WNT9B: variants seen among roughly 807,000 people sequenced by gnomAD.
WNT9B encodes Wnt family member 9B, also known as protein Wnt-9b.
A neutral mutation model predicts 30.2 loss-of-function variants in WNT9B; 12 were observed. The ratio of observed to expected loss-of-function variants is 0.40; its 90% CI spans 0.26 to 0.64. The LOEUF is 0.64. Ranked by LOEUF, WNT9B falls within the 30% of genes least tolerant of loss-of-function variation. WNT9B has a pLI of 0.42. For synonymous variants in WNT9B, 218 were observed against 216.9 expected (o/e 1.01, Z -0.05); for missense variants, 442 against 485.2 (o/e 0.91, Z 0.84).
chr17:46,885,798 G>A (rs2085482038), exon 5 of WNT9B: 1 of 152,216 alleles, frequency 6.6e-6, no homozygotes, highest in Non-Finnish European at 1.5e-5. Flanking sequence ...ATCCCTCCCT[G>A]ACACACGGCC....
intron 1 of WNT9B, among the ~76,000 whole-genome samples, chr17:46,845,785 C>CTTTTTTTTT (rs34253824): frequency 2.3e-5 from 2 of 86,782 alleles, no homozygotes; most frequent in Non-Finnish European, 4.1e-5. Flanking sequence ...ACTGTGCTGG[C>CTTTTTTTTT]TTTTTTTTTT....
In WNT9B at chr17:46,875,246, C is replaced by A. The variant is rs145114635; in HGVS notation, c.480C>A (p.Gly160=). Residue 160 remains glycine (G), a synonymous_variant, in exon 3 of 4, where the codon GGC becomes GGA. Transcript: ENST00000290015. ...AGAGCCGGCAGGCCTGGCAGTGGGG[C>A]GTGTGCGGTGACAACCTCAAGTACA... is the stretch of plus-strand genomic sequence containing the variant. ...GLESRQAWQW[G]VCGDNLKYST... 1.2e-6 allele frequency: 2 copies of A among 1,614,052 alleles called. No homozygotes were observed. The highest frequency in any genetic ancestry group is 1.7e-6 in the Non-Finnish European group (2 of 1,180,026).
intron 1 of WNT9B, among the ~76,000 whole-genome samples, chr17:46,838,767 A>C (rs1244217670): frequency 2.0e-5 from 3 of 152,246 alleles, no homozygotes; most frequent in African/African-American, 7.2e-5. Flanking sequence ...GATGCAGTCC[A>C]TAAAAATCCG....
intron 1 of WNT9B, among the ~76,000 whole-genome samples, chr17:46,838,402 G>A (rs1046987793): frequency 6.6e-6 from 1 of 151,948 alleles, no homozygotes; most frequent in Non-Finnish European, 1.5e-5. Flanking sequence ...CAAGGCAGGA[G>A]GATCACCTGA....
chr17:46,885,025 G>C (rs1213804868), downstream of WNT9B: 2 of 432,264 alleles, frequency 4.6e-6, no homozygotes, highest in South Asian at 3.3e-5. Context: ...TCTTGTTCTT[G>C]TTGCGCAGGT....
At chr17:46,882,863 G>A (rs573089055), downstream of WNT9B, among the ~76,000 whole-genome samples, 138 of 152,218 alleles carry the variant, frequency 9.1e-4, no homozygotes, top group African/African-American at 3.1e-3. Flanking sequence ...TGGCATGCAC[G>A]GTGTCCAGCA....
rs757496576 is a variant in WNT9B, at chr17:46,875,318, G to C, written c.552G>C (p.Lys184Asn). 1.2e-6 allele frequency: 2 copies of C among 1,613,284 alleles called. No individual in the cohort carries two copies. The highest frequency in any genetic ancestry group is 3.3e-5 in the Admixed American group (2 of 60,006). Residue 184 changes from lysine (K) to asparagine (N), a missense_variant, in exon 3 of 4, where the codon AAG becomes AAC. Transcript: ENST00000290015. ...SNFLGSKRGN[K>N]DLRARADAHN... ...TCCTGGGGTCCAAGAGAGGAAACAA[G>C]GACCTGCGGGCACGGGCAGACGCCC...
intron 1 of WNT9B, among the ~76,000 whole-genome samples, chr17:46,835,962 C>A (rs986864842): frequency 1.2e-4 from 19 of 152,310 alleles, no homozygotes; most frequent in Admixed American, 1.2e-3. Flanking sequence ...TGAGATCCTG[C>A]CTCTGGGCCC....
chr17:46,851,230 A>T (rs1298525515), upstream of WNT9B, among the ~76,000 whole-genome samples: 5 of 151,894 alleles, frequency 3.3e-5, no homozygotes, highest in East Asian at 9.7e-4. The surrounding 1 kb of genome is among the most constrained non-coding windows in gnomAD (Gnocchi z 4.3). Context: ...CGGAGAAGCC[A>T]TTGCGCTTGC....
chr17:46,872,523 C>G lies in WNT9B; in HGVS notation c.84C>G (p.Thr28=). 6.5e-7 allele frequency: 1 copy of G among 1,539,222 alleles called. No individual in the cohort carries two copies. Among genetic ancestry groups the G allele is most frequent in the Non-Finnish European group, 8.8e-7 (1 of 1,140,606 alleles). The part of the protein sequence containing the change: ...PAAAASYFGL[T]GREVLTPFPG... ...CTCCTCTCGCTCTCTCTAGCCTGAC[C>G]GGGCGGGAAGTCCTGACGCCCTTCC... Residue 28 remains threonine, a synonymous_variant, in exon 2 of 4, where the codon ACC becomes ACG. Transcript: ENST00000290015.
chr17:46,884,660 T>C (rs2085467704), downstream of WNT9B, among the ~76,000 whole-genome samples: 1 of 152,182 alleles, frequency 6.6e-6, no homozygotes, highest in South Asian at 2.1e-4. Context: ...TGCATTGTTG[T>C]ATTTGAATCT....
downstream of WNT9B, among the ~76,000 whole-genome samples, chr17:46,881,634 C>T (rs2085424187): frequency 1.3e-5 from 2 of 152,172 alleles, no homozygotes; most frequent in Admixed American, 1.3e-4. Flanking sequence ...AATCTAGTTC[C>T]CAAACAGGCC....
At chr17:46,868,211 T>A (rs1047431779) in intron 1 of WNT9B, among the ~76,000 whole-genome samples, 4 of 152,160 alleles carry the variant, frequency 2.6e-5, no homozygotes, top group Non-Finnish European at 4.4e-5. Context: ...AAACAACCCT[T>A]CCTCTGCCCT....
At chr17:46,862,163 CAA>C (rs111407961) in intron 1 of WNT9B, among the ~76,000 whole-genome samples, 5,739 of 80,288 alleles carry the variant, frequency 0.071, 244 homozygotes, top group African/African-American at 0.18. Flanking sequence ...AACTCCGTCT[CAA>C]AAAAAAAAAA....
In WNT9B at chr17:46,833,330, T is replaced by C. The variant is rs1336218172; in HGVS notation, c.-16T>C. The stretch of plus-strand genomic sequence containing the variant: ...GAAAGCAAGCTGCAATTTCTGTTGC[T>C]TCTTGTATCAATTGCATGAAAGGAC... On this transcript the variant is annotated 5_prime_UTR_variant, in exon 1 of 3. Transcript: ENST00000575372. 5.8e-6 allele frequency: 3 copies of C among 516,516 alleles called. No individual in the cohort carries two copies. In the Admixed American group the frequency reaches 5.9e-5, roughly 10 times the overall value. 32.0% of individuals were successfully genotyped at this position (516,516 alleles called of 1,614,324 possible). A position where few individuals can be genotyped will look rare whatever the true frequency, so the allele number is the denominator to read the frequency against.
chr17:46,868,900 A>G (rs2085188948), intron 1 of WNT9B, among the ~76,000 whole-genome samples: 1 of 152,234 alleles, frequency 6.6e-6, no homozygotes. Context: ...AGCAGAAGCC[A>G]TGGGCTGAGC....
At chr17:46,850,515 T>G (rs2084828160), upstream of WNT9B, among the ~76,000 whole-genome samples, 1 of 152,208 alleles carries the variant, frequency 6.6e-6, no homozygotes, top group South Asian at 2.1e-4. Context: ...CGCAGTCACT[T>G]GATGTTCCCT....
chr17:46,861,787 G>T (rs541713336), intron 1 of WNT9B, among the ~76,000 whole-genome samples: 1 of 152,210 alleles, frequency 6.6e-6, no homozygotes, highest in Admixed American at 6.5e-5. Flanking sequence ...TGGTTTTAGG[G>T]CAAGACCAAA....
chr17:46,837,707 A>G (rs2084650001), intron 1 of WNT9B, among the ~76,000 whole-genome samples: 2 of 151,944 alleles, frequency 1.3e-5, no homozygotes, highest in Admixed American at 1.3e-4. Flanking sequence ...TGCCTGGGGG[A>G]AGGTTTGGAG....
Sources: allele counts gnomAD v4.1 joint callset (sites outside exome capture counted in the v4.1 genomes callset), GRCh38; gene constraint gnomAD v4.1.1; non-coding constraint Gnocchi (gnomAD v3.1); transcripts MANE v1.5; gene names NCBI Gene and HGNC (gene_info 2026-07-23, HGNC 2026-07-21).